Variants in TOX2 observed in about 807,000 individuals in gnomAD.
The protein encoded by TOX2 is TOX high mobility group box family member 2.
A neutral mutation model predicts 47.4 loss-of-function variants in TOX2; 15 were observed. The observed-to-expected ratio is 0.32, with a 90% CI of 0.21 to 0.49. TOX2 has a LOEUF of 0.49. Ranked by LOEUF, TOX2 falls within the 20% of genes least tolerant of loss-of-function variation. The pLI, the probability that TOX2 is intolerant of heterozygous loss-of-function variation, is 0.99. For synonymous variants in TOX2, 290 were observed against 296.6 expected, an observed-to-expected ratio of 0.98 and a Z score of 0.23; for missense variants, 622 against 673.1, an observed-to-expected ratio of 0.92 and a Z score of 0.84.
intron 1 of TOX2, among the ~76,000 whole-genome samples, chr20:43,950,353 G>A (rs185174206): frequency 2.0e-5 from 3 of 152,174 alleles, no homozygotes; most frequent in Admixed American, 6.5e-5. Context: ...GCCTGCCCTC[G>A]CTGGCTCCCC....
chr20:43,937,281 T>C (rs2069338678), intron 1 of TOX2, among the ~76,000 whole-genome samples: 1 of 152,132 alleles, frequency 6.6e-6, no homozygotes, highest in Non-Finnish European at 1.5e-5. Flanking sequence ...AACCTTGGGC[T>C]GGGAAAGGAA....
intron 2 of TOX2, among the ~76,000 whole-genome samples, chr20:43,986,502 G>A (rs893750893): frequency 5.3e-5 from 8 of 151,946 alleles, no homozygotes; most frequent in Non-Finnish European, 1.2e-4. Context: ...GGCTGGTCTC[G>A]AACTCCTGAC....
intron 1 of TOX2, among the ~76,000 whole-genome samples, chr20:43,918,968 T>C (rs141323553): frequency 6.6e-6 from 1 of 152,254 alleles, no homozygotes; most frequent in East Asian, 1.9e-4. Context: ...ATAACAACAA[T>C]ATCAACCATC....
chr20:43,985,130 T>G (rs1247916706), intron 2 of TOX2, among the ~76,000 whole-genome samples: 1 of 152,182 alleles, frequency 6.6e-6, no homozygotes, highest in African/African-American at 2.4e-5. Context: ...CTCCTCAGCC[T>G]CTCTCCCTGT....
chr20:44,065,599 A>G lies in TOX2; in HGVS notation c.961-113A>G, dbSNP rs968516978. On this transcript the variant is annotated intron_variant, in intron 6 of 8. Transcript: ENST00000341197. ...TCTGGTTAGTCCAAGCTCTCTCCCA[A>G]GACAGCCAGCCAGCAGCCGTGTCAG... is the stretch of plus-strand genomic sequence containing the variant. 6 of 1,331,368 alleles carry G rather than the reference A, an allele frequency of 4.5e-6. No individual in the cohort carries two copies. In the African/African-American group the frequency reaches 5.9e-5, roughly 13 times the overall value. The allele number at this position is 1,331,368 out of a possible 1,614,324, so 82.5% of individuals were successfully genotyped here.
chr20:43,955,679 G>A (rs115091861), intron 1 of TOX2, among the ~76,000 whole-genome samples: 267 of 152,290 alleles, frequency 1.8e-3, no homozygotes, highest in African/African-American at 5.9e-3. Flanking sequence ...GCCGTATTCT[G>A]CATAACATGC....
chr20:44,061,833 ACGAG>A (rs2071723368), intron 5 of TOX2, among the ~76,000 whole-genome samples: 1 of 152,164 alleles, frequency 6.6e-6, no homozygotes, highest in Non-Finnish European at 1.5e-5. Context: ...TTTAACATAC[ACGAG>A]TCAATAAATG....
chr20:44,017,854 C>T (rs138504538), intron 3 of TOX2, among the ~76,000 whole-genome samples: 52 of 152,200 alleles, frequency 3.4e-4, no homozygotes, highest in East Asian at 1.7e-3. Flanking sequence ...CCAGGCAGCC[C>T]GACTCCCCAG....
chr20:43,946,934 G>C (rs1034552430), intron 1 of TOX2, among the ~76,000 whole-genome samples: 2 of 152,196 alleles, frequency 1.3e-5, no homozygotes, highest in Non-Finnish European at 2.9e-5. Context: ...TCGTGCATGT[G>C]TGTCCCAGCA....
At chr20:44,000,072 G>A (rs1372277650) in intron 2 of TOX2, among the ~76,000 whole-genome samples, 4 of 152,196 alleles carry the variant, frequency 2.6e-5, no homozygotes, top group African/African-American at 4.8e-5. Flanking sequence ...GGAGTGGTAT[G>A]AACAAGGGGA....
chr20:43,944,314 A>G (rs1419585681), intron 1 of TOX2, among the ~76,000 whole-genome samples: 1 of 152,256 alleles, frequency 6.6e-6, no homozygotes, highest in Admixed American at 6.5e-5. Context: ...ACACATGAAC[A>G]GAAACGATTG....
In TOX2 at chr20:44,064,987, C is replaced by A. The variant is rs533339777; in HGVS notation, c.960+130C>A. The stretch of plus-strand genomic sequence containing the variant: ...AAAGAATGGCTCAGACCTACATGGT[C>A]ATGTCTGCAGGGCACCTACAGCATG... On this transcript the variant is annotated intron_variant, in intron 6 of 8. Coordinates refer to ENST00000341197, the MANE Select transcript of TOX2 (RefSeq NM_001098797.2). 16 of 782,824 alleles carry A rather than the reference C, an allele frequency of 2.0e-5. No homozygotes were observed. In the African/African-American group the frequency reaches 2.6e-4, roughly 13 times the overall value. 48.5% of individuals were successfully genotyped at this position (782,824 alleles called of 1,614,324 possible).
At chr20:43,927,671 TCCTTTCTTCCTTCCTTCCCTTCC>T (rs1338653948) in intron 1 of TOX2, among the ~76,000 whole-genome samples, 9 of 113,436 alleles carry the variant, frequency 7.9e-5, no homozygotes, top group East Asian at 3.5e-4. Context: ...CTTCCTTCCT[TCCTTTCTTCCTTCCTTCCCTTCC>T]CCTTCCTTCC....
intron 1 of TOX2, among the ~76,000 whole-genome samples, chr20:43,971,741 CTG>C (rs1399329525): frequency 6.6e-6 from 1 of 152,140 alleles, no homozygotes; most frequent in East Asian, 1.9e-4. Context: ...TATATCCACA[CTG>C]TGGAATACTG....
Position 43,968,944 on chromosome 20 carries a change from T to C in TOX2, c.100-4423T>C, listed in dbSNP as rs2069910016. On this transcript the variant is annotated intron_variant, in intron 1 of 8. Coordinates refer to ENST00000341197, the MANE Select transcript of TOX2 (RefSeq NM_001098797.2). ...CAAGGAACTGATAAACTGTGAAATA[T>C]GCATAGAATTGAAGTTCATGTGCAT... Among the ~76,000 whole-genome samples, 5 of 152,240 alleles carry C rather than the reference T, an allele frequency of 3.3e-5. No individual in the cohort carries two copies. The South Asian group carries it at 8.3e-4, about 25-fold the overall frequency.
intron 3 of TOX2, among the ~76,000 whole-genome samples, chr20:44,040,371 G>A (rs556437802): frequency 2.0e-5 from 3 of 152,148 alleles, no homozygotes; most frequent in Non-Finnish European, 4.4e-5. Flanking sequence ...CTGGAGAGGT[G>A]GTTGGACAGT....
intron 2 of TOX2, among the ~76,000 whole-genome samples, chr20:43,996,872 C>A (rs373956320): frequency 6.6e-6 from 1 of 152,116 alleles, no homozygotes; most frequent in African/African-American, 2.4e-5. Flanking sequence ...CAATGTAACT[C>A]TCAATACATG....
At chr20:44,041,580 A>C (rs536739618) in intron 3 of TOX2, among the ~76,000 whole-genome samples, 1 of 152,324 alleles carries the variant, frequency 6.6e-6, no homozygotes, top group East Asian at 1.9e-4. Flanking sequence ...GAGACCCTGA[A>C]GTGCGGTTGG....
Position 44,066,220 on chromosome 20 carries a change from C to T in TOX2, c.1356+113C>T, listed in dbSNP as rs1488022456. On this transcript the variant is annotated intron_variant, in intron 7 of 8. Transcript: ENST00000341197. ...ACCAGTGATATAACCTCAGCCTTGG[C>T]ACCTGACCTCTCTGAGCCTCAGTTA... 1.5e-5 allele frequency: 18 copies of T among 1,184,450 alleles called. No individual in the cohort carries two copies. In the East Asian group the frequency reaches 4.4e-4, roughly 29 times the overall value. 73.4% of individuals were successfully genotyped at this position (1,184,450 alleles called of 1,614,324 possible). A position where few individuals can be genotyped will look rare whatever the true frequency, so the allele number is the denominator to read the frequency against.
Sources: allele counts gnomAD v4.1 joint callset (sites outside exome capture counted in the v4.1 genomes callset), GRCh38; gene constraint gnomAD v4.1.1; transcripts MANE v1.5; gene names NCBI Gene and HGNC (gene_info 2026-07-23, HGNC 2026-07-21).